CREBBP: variants seen among roughly 807,000 people sequenced by gnomAD.
CREBBP encodes the protein CREB-binding protein.
CREBBP carries 19 observed loss-of-function variants against 265.0 expected under a neutral mutation model. The observed-to-expected ratio is 0.07, with a 90% CI of 0.05 to 0.11. The LOEUF (loss-of-function observed/expected upper bound fraction) is 0.11, where lower values mean the gene tolerates loss of function less well. Among genes scored for constraint, CREBBP ranks in the 10% least tolerant of loss-of-function variants. The pLI is 1.00. For missense variants in CREBBP, 2,525 were observed against 3,219.0 expected (o/e 0.78, Z 5.22); for synonymous variants, 1,457 against 1,223.7 (o/e 1.19, Z -3.98).
At position 3,797,597 on chromosome 16, in the gene CREBBP, G is replaced by GTC. The variant is rs752609484; in HGVS notation, c.976-3973_976-3972dup. Reference sequence around the variant, plus strand: ...CTGTAATAAAAGCTACATGAATGTGGTCTCTCTCTCTCTCTCTCTAAACAC... The same window carrying GTC: ...CTGTAATAAAAGCTACATGAATGTGGTCTCTCTCTCTCTCTCTCTCTAAACAC... On this transcript the variant is annotated intron_variant, in intron 3 of 30. Transcript: ENST00000262367. Among the ~76,000 whole-genome samples the GTC allele has an allele frequency of 1.3e-3, 197 of 149,784 alleles. 4 individuals carry two copies. The highest frequency in any genetic ancestry group is 3.7e-3 in the African/African-American group (152 of 40,970).
intron 3 of CREBBP, among the ~76,000 whole-genome samples, chr16:3,798,204 G>A (rs996679435): frequency 8.5e-5 from 13 of 152,150 alleles, no homozygotes; most frequent in East Asian, 1.9e-4. Context: ...ACACTTCAAC[G>A]TAAGAGTGAC....
At chr16:3,834,426 A>C (rs1338650424) in intron 2 of CREBBP, among the ~76,000 whole-genome samples, 1 of 152,224 alleles carries the variant, frequency 6.6e-6, no homozygotes, top group African/African-American at 2.4e-5. Flanking sequence ...ATATTATTAA[A>C]TGAATGAGGC....
intron 2 of CREBBP, among the ~76,000 whole-genome samples, chr16:3,832,551 T>G (rs1034107141): frequency 6.6e-6 from 1 of 152,226 alleles, no homozygotes; most frequent in Admixed American, 6.5e-5. Flanking sequence ...CTAGGCTGTA[T>G]GGTATAGCCC....
In CREBBP at chr16:3,835,626, C is replaced by T. The variant is rs998958636; in HGVS notation, c.798+14671G>A. Among the ~76,000 whole-genome samples, 9 of 138,980 alleles carry T rather than the reference C, an allele frequency of 6.5e-5. No individual in the cohort carries two copies. The Admixed American group carries it at 6.9e-4, about 11-fold the overall frequency. 91.2% of individuals were successfully genotyped at this position (138,980 alleles called of 152,430 possible). On this transcript the variant is annotated intron_variant, in intron 2 of 30. Transcript: ENST00000262367. ...ACGGAGTCTTGCTCTGTCGCCTAGG[C>T]TGGAGTGCAGTAGTGGGATCTCGGG...
rs1248616260 is a variant in CREBBP, at chr16:3,814,212, G to A, written c.799-3433C>T. Among the ~76,000 whole-genome samples the A allele has an allele frequency of 3.2e-4, 30 of 93,756 alleles. 1 individual carries two copies. In the East Asian group the frequency reaches 8.5e-3, roughly 27 times the overall value. 61.5% of individuals were successfully genotyped at this position (93,756 alleles called of 152,430 possible). ...GTGTGTGTGTTTGAGACAGAGTCTC[G>A]TTCTGTGTGTGTGTGTGTGTGTGTG... On this transcript the variant is annotated intron_variant, in intron 2 of 30. Coordinates refer to ENST00000262367, the MANE Select transcript of CREBBP (RefSeq NM_004380.3).
At position 3,786,002 on chromosome 16, in the gene CREBBP, G is replaced by C. The variant is rs937530831; in HGVS notation, c.1331-3076C>G. Among the ~76,000 whole-genome samples, 5 of 152,210 alleles carry C rather than the reference G, an allele frequency of 3.3e-5. No individual in the cohort carries two copies. The East Asian group carries it at 9.6e-4, about 29-fold the overall frequency. On this transcript the variant is annotated intron_variant, in intron 5 of 30. Transcript: ENST00000262367. ...TATGAACAAAAGGCCAAGTTTTATA[G>C]CAGGCTCTTTCTCGGACTCACCTGC...
rs1251088526 is a variant in CREBBP, at chr16:3,731,949, CG to C, written c.4729-13del. ...TCGCCCTGACTGCCCTGCAACAACA[CG>C]CAAGGCTGTGAGACCAGGCAAGTGC... On this transcript the variant is annotated splice_polypyrimidine_tract_variant and intron_variant, in intron 28 of 30. Transcript: ENST00000262367. The surrounding 1 kb of genome is among the most constrained non-coding windows in gnomAD (Gnocchi z 7.7). 1 of 1,614,084 alleles carries C rather than the reference CG, an allele frequency of 6.2e-7. No individual in the cohort carries two copies. Among genetic ancestry groups the C allele is most frequent in the Non-Finnish European group, 8.5e-7 (1 of 1,180,058 alleles).
intron 2 of CREBBP, among the ~76,000 whole-genome samples, chr16:3,849,414 T>TGTGTGTGTGTGTGTGTGTG (rs1178126223): frequency 3.4e-4 from 2 of 5,884 alleles, no homozygotes; most frequent in African/African-American, 4.0e-4. Context: ...TGTGTGTGTG[T>TGTGTGTGTGTGTGTGTGTG]GTGTGTGTGT....
chr16:3,796,067 A>T (rs1016852131), intron 3 of CREBBP, among the ~76,000 whole-genome samples: 1 of 152,034 alleles, frequency 6.6e-6, no homozygotes, highest in South Asian at 2.1e-4. Context: ...TTTACTCCTG[A>T]CACTACCTTG....
At chr16:3,846,034 C>T (rs749393050) in intron 2 of CREBBP, among the ~76,000 whole-genome samples, 19 of 151,932 alleles carry the variant, frequency 1.3e-4, no homozygotes, top group Non-Finnish European at 2.2e-4. Context: ...TGTTTCTATA[C>T]AAACTGAAAA....
rs540177346 is a variant in CREBBP at position 3,773,865 on chromosome 16, C to A, written c.2349G>T (p.Met783Ile). 1 of 1,612,346 alleles carries A rather than the reference C, an allele frequency of 6.2e-7. No homozygotes were observed. Among genetic ancestry groups the A allele is most frequent in the African/African-American group, 1.3e-5 (1 of 74,966 alleles). Reference sequence around the variant, plus strand: ...GGCTCTGAGCGGGCGCCTGGGCCATCATGTTGTTGGTGTGTGCACCCATCA... The same window carrying A: ...GGCTCTGAGCGGGCGCCTGGGCCATAATGTTGTTGGTGTGTGCACCCATCA... The part of the protein sequence containing the change: ...PNMMGAHTNN[M>I]MAQAPAQSQF... Residue 783 changes from methionine to isoleucine, a missense_variant, in exon 13 of 31, where the codon ATG (methionine) becomes ATT (isoleucine). Transcript: ENST00000262367.
At chr16:3,773,504 T>C (rs1023448303) in intron 13 of CREBBP, 9 of 532,786 alleles carry the variant, frequency 1.7e-5, no homozygotes, top group Non-Finnish European at 2.7e-5. Flanking sequence ...CACAAAAGCA[T>C]ACAAACCAAA....
At position 3,793,647 on chromosome 16, in the gene CREBBP, A is replaced by G. The variant is rs779640251; in HGVS notation, c.976-21T>C. Reference sequence around the variant, plus strand: ...TGAGACTAAAATAAAGCAAAATAATAAAAATACTTTAACCTCTCAGAGTTC... The same window carrying G: ...TGAGACTAAAATAAAGCAAAATAATGAAAATACTTTAACCTCTCAGAGTTC... On this transcript the variant is annotated intron_variant, in intron 3 of 30. Coordinates refer to ENST00000262367, the MANE Select transcript of CREBBP (RefSeq NM_004380.3). 3 of 1,611,088 alleles carry G rather than the reference A, an allele frequency of 1.9e-6. No individual in the cohort carries two copies. In the African/African-American group the frequency reaches 4.0e-5, roughly 22 times the overall value.
intron 1 of CREBBP, among the ~76,000 whole-genome samples, chr16:3,855,959 C>G (rs186249760): frequency 6.6e-6 from 1 of 152,208 alleles, no homozygotes; most frequent in East Asian, 1.9e-4. Flanking sequence ...TTTTGTCCAA[C>G]CCAAATGATA....
rs774379679 is a variant in CREBBP, at chr16:3,728,266, T to C, written c.6781A>G (p.Met2261Val). The C allele has an allele frequency of 1.9e-6, 3 of 1,612,526 alleles. No homozygotes were observed. In the South Asian group the frequency reaches 3.3e-5, roughly 18 times the overall value. Residue 2261 changes from methionine (M) to valine (V), a missense_variant, in exon 31 of 31, where the codon ATG (methionine) becomes GTG (valine). Met to Val is a conservative substitution (Grantham distance 21, BLOSUM62 1). Transcript: ENST00000262367. This position sits in a 1 kb window ranked among gnomAD's most constrained non-coding sequence, Gnocchi z 8.7. The stretch of plus-strand genomic sequence containing the variant: ...CCCATCTGAGCCGCCATCTGGCCCA[T>C]GGAGCTGCCCTGGAGGGGGAGATGC... ...QQHLPLQGSSMGQMAAQMGQL... is the reference protein window; with the variant it reads ...QQHLPLQGSSVGQMAAQMGQL...
intron 1 of CREBBP, among the ~76,000 whole-genome samples, chr16:3,867,609 A>C (rs1020989485): frequency 3.9e-5 from 6 of 152,090 alleles, no homozygotes; most frequent in African/African-American, 1.4e-4. Flanking sequence ...TTAAAAAAGA[A>C]GACTTAATTA....
intron 2 of CREBBP, among the ~76,000 whole-genome samples, chr16:3,827,064 AG>A (rs1488459473): frequency 1.3e-5 from 2 of 152,186 alleles, no homozygotes; most frequent in Non-Finnish European, 2.9e-5. Context: ...TTGAGGCTTG[AG>A]GATCGCTTAA....
intron 16 of CREBBP, among the ~76,000 whole-genome samples, chr16:3,764,945 A>C (rs543718028): frequency 3.3e-5 from 5 of 151,804 alleles, no homozygotes; most frequent in Non-Finnish European, 7.4e-5. Context: ...AGCGTTTGGT[A>C]CATGTGTGTG....
At chr16:3,777,754 T>G in intron 10 of CREBBP, 97 bp from the exon 11 acceptor site, 1 of 1,454,116 alleles carries the variant, frequency 6.9e-7, no homozygotes, top group Non-Finnish European at 9.6e-7. Context: ...GACTTCAAAC[T>G]TAAAAGGGAA....
Sources: gnomAD v4.1 joint callset for allele counts (sites outside exome capture counted in the v4.1 genomes callset) on GRCh38, gnomAD v4.1.1 for gene constraint, Gnocchi (gnomAD v3.1) non-coding constraint, MANE v1.5 for transcripts, NCBI Gene and HGNC (gene_info 2026-07-23, HGNC 2026-07-21) for gene names.